Variants in MZT2B observed in about 807,000 individuals in gnomAD.
MZT2B encodes mitotic-spindle organizing protein 2B.
Under a neutral mutation model 12.1 loss-of-function variants are expected in MZT2B, and 11 were observed. The observed-to-expected ratio is 0.91, with a 90% CI of 0.57 to 1.50. MZT2B has a LOEUF of 1.50. MZT2B is among the 40% of genes most tolerant of loss of function. The pLI is 0.00. For missense variants in MZT2B, 209 were observed against 227.7 expected (o/e 0.92, Z 0.53); for synonymous variants, 85 against 109.5 (o/e 0.78, Z 1.40).
chr2:130,185,037 C>T lies in MZT2B; in HGVS notation c.319+2262C>T, dbSNP rs149237141. 211 of 307,182 alleles carry T rather than the reference C, an allele frequency of 6.9e-4. 2 individuals carry two copies. The South Asian group carries it at 0.012, about 17-fold the overall frequency. 19.0% of individuals were successfully genotyped at this position (307,182 alleles called of 1,614,324 possible). A position where few individuals can be genotyped will look rare whatever the true frequency, so the allele number is the denominator to read the frequency against. On this transcript the variant is annotated intron_variant, in intron 2 of 2. Transcript: ENST00000281871. ...AAAACTAGCCAGGCAGGGCTGGGCG[C>T]GGTGGCTCACGCCTGTAATCCCAGC...
At chr2:130,184,081 C>T (rs1431530473) in intron 2 of MZT2B, 1 of 1,545,690 alleles carries the variant, frequency 6.5e-7, no homozygotes, top group South Asian at 1.2e-5. Context: ...CCATGCAGGC[C>T]ATCGCTGCCC....
rs1200535099 is a variant in MZT2B at position 130,185,540 on chromosome 2, G to A, written c.319+2765G>A. On this transcript the variant is annotated intron_variant, in intron 2 of 2. Coordinates refer to ENST00000281871, the MANE Select transcript of MZT2B (RefSeq NM_025029.5). The stretch of plus-strand genomic sequence containing the variant: ...AGATGGGAGGAGGCTTCAGAGCCCA[G>A]AGAGCAGCAAGGGTTACACAGGGGG... Among the ~76,000 whole-genome samples the A allele has an allele frequency of 2.5e-5, 3 of 118,302 alleles. 1 individual carries two copies. Among genetic ancestry groups the A allele is most frequent in the Non-Finnish European group, 5.5e-5 (3 of 54,206 alleles). The allele number at this position is 118,302 out of a possible 152,430, so 77.6% of individuals were successfully genotyped here. A position where few individuals can be genotyped will look rare whatever the true frequency, so the allele number is the denominator to read the frequency against.
chr2:130,194,800 C>T (rs1690363779), downstream of MZT2B, among the ~76,000 whole-genome samples: 1 of 152,156 alleles, frequency 6.6e-6, no homozygotes. Context: ...GCCTCAGCCT[C>T]TCAAGTAGCT....
At chr2:130,202,552 C>T in the MZT2B span, 1 of 1,000,738 alleles carries the variant, frequency 1.0e-6, no homozygotes, top group South Asian at 1.8e-5. Context: ...CATGGACTGT[C>T]CCTGCTGCAA....
the MZT2B span, among the ~76,000 whole-genome samples, chr2:130,199,757 T>C: frequency 3.3e-5 from 4 of 120,690 alleles, 1 homozygote; most frequent in Non-Finnish European, 7.2e-5. Context: ...GGGATCCTCC[T>C]ACCTCGGCTG....
chr2:130,200,435 T>C, the MZT2B span, among the ~76,000 whole-genome samples: 2 of 152,114 alleles, frequency 1.3e-5, no homozygotes, highest in African/African-American at 4.8e-5. Context: ...TTGTCTACAT[T>C]GTCTTTGGTA....
chr2:130,183,984 A>G, intron 2 of MZT2B: 2 of 1,550,340 alleles, frequency 1.3e-6, no homozygotes, highest in Non-Finnish European at 1.7e-6. Flanking sequence ...TTATTGGCTT[A>G]TCTCTGGGGG....
the MZT2B span, among the ~76,000 whole-genome samples, chr2:130,195,877 A>G: frequency 6.6e-6 from 1 of 152,270 alleles, no homozygotes; most frequent in Non-Finnish European, 1.5e-5. Context: ...CCACCTGAGC[A>G]GGGCTGAGGC....
At chr2:130,196,673 C>T in the MZT2B span, among the ~76,000 whole-genome samples, 1 of 152,152 alleles carries the variant, frequency 6.6e-6, no homozygotes. Context: ...CATTATAGCC[C>T]GTCACAGTAA....
intron 2 of MZT2B, chr2:130,183,038 C>T (rs2104957488): frequency 3.4e-6 from 2 of 594,688 alleles, no homozygotes; most frequent in East Asian, 3.1e-5. Flanking sequence ...TCCCCTCCAC[C>T]TCTTCACTCA....
intron 2 of MZT2B, among the ~76,000 whole-genome samples, chr2:130,186,264 G>T (rs1276749591): frequency 6.6e-6 from 1 of 152,070 alleles, no homozygotes; most frequent in Non-Finnish European, 1.5e-5. Context: ...GCTGCAGCAG[G>T]CACCCTGGGT....
the MZT2B span, among the ~76,000 whole-genome samples, chr2:130,200,172 G>A: frequency 0.47 from 71,396 of 151,726 alleles, 17,557 homozygotes; most frequent in African/African-American, 0.61. Context: ...CAGGCGGATC[G>A]CGAGGTCAGG....
downstream of MZT2B, chr2:130,194,321 G>T (rs778492048): frequency 3.1e-6 from 5 of 1,612,790 alleles, no homozygotes; most frequent in African/African-American, 2.7e-5. Flanking sequence ...GACCTGGGGG[G>T]CTGGGTAAAT....
chr2:130,190,509 C>T lies in MZT2B; in HGVS notation c.360C>T (p.Ala120=), dbSNP rs1558780694. The T allele has an allele frequency of 2.5e-6, 4 of 1,613,802 alleles. No homozygotes were observed. The highest frequency in any genetic ancestry group is 3.4e-6 in the Non-Finnish European group (4 of 1,179,966). The change falls in exon 3 of 3, where the codon GCC becomes GCT. Residue 120 remains alanine (A), a synonymous_variant. Transcript: ENST00000281871. ...KGSAALGGAL[A]LAERSSREGS... ...GCGCTGCCCTCGGGGGAGCATTGGC[C>T]CTGGCGGAACGCAGCAGCCGCGAAG... is the stretch of plus-strand genomic sequence containing the variant.
upstream of MZT2B, chr2:130,182,072 C>G (rs532735406): frequency 1.7e-4 from 223 of 1,349,652 alleles, no homozygotes; most frequent in South Asian, 3.2e-3. Context: ...CCATGCCACT[C>G]CCGGCTCCTA....
chr2:130,182,240 G>C, upstream of MZT2B: 1 of 1,235,302 alleles, frequency 8.1e-7, no homozygotes. Context: ...CAGCCGCTAG[G>C]GGGCGCGGCG....
downstream of MZT2B, chr2:130,193,853 G>A (rs772188868): frequency 1.1e-5 from 17 of 1,614,142 alleles, no homozygotes; most frequent in Admixed American, 1.7e-5. Context: ...GGCGATGGCC[G>A]CATTGACGTC....
downstream of MZT2B, chr2:130,194,950 T>C: frequency 6.6e-7 from 1 of 1,521,074 alleles, no homozygotes; most frequent in Non-Finnish European, 8.9e-7. Flanking sequence ...AGTGCTGGGA[T>C]TACACGTGTG....
chr2:130,198,918 G>A, the MZT2B span, among the ~76,000 whole-genome samples: 1 of 124,194 alleles, frequency 8.1e-6, no homozygotes, highest in Admixed American at 8.9e-5. Context: ...CTGACCCAAA[G>A]GGAGAAAACG....
Sources: allele counts gnomAD v4.1 joint callset (sites outside exome capture counted in the v4.1 genomes callset), GRCh38; gene constraint gnomAD v4.1.1; transcripts MANE v1.5; gene names NCBI Gene and HGNC (gene_info 2026-07-23, HGNC 2026-07-21).